MATCAP2: variants seen among roughly 807,000 people sequenced by gnomAD.
The protein encoded by MATCAP2 is putative tyrosine carboxypeptidase MATCAP2.
At chr7:36,373,124 G>T in the MATCAP2 span, among the ~76,000 whole-genome samples, 12 of 137,084 alleles carry the variant, frequency 8.8e-5, no homozygotes, top group Non-Finnish European at 1.7e-4. Flanking sequence ...AAAAAAAAAA[G>T]AGGGCAATAA....
chr7:36,348,062 CTA>C, the MATCAP2 span, among the ~76,000 whole-genome samples: 1 of 152,166 alleles, frequency 6.6e-6, no homozygotes, highest in South Asian at 2.1e-4. Context: ...ATATAATATT[CTA>C]TGTCTTCCAA....
chr7:36,367,829 C>G, the MATCAP2 span, among the ~76,000 whole-genome samples: 1 of 152,240 alleles, frequency 6.6e-6, no homozygotes, highest in Admixed American at 6.5e-5. Flanking sequence ...TTTGGGAGAC[C>G]AAGGCGGGTG....
chr7:36,352,295 G>A, the MATCAP2 span, among the ~76,000 whole-genome samples: 1 of 150,880 alleles, frequency 6.6e-6, no homozygotes, highest in Non-Finnish European at 1.5e-5. Flanking sequence ...TACTTGGGAG[G>A]ACGAGGCAGG....
the MATCAP2 span, among the ~76,000 whole-genome samples, chr7:36,372,387 T>A: frequency 1.3e-5 from 2 of 152,110 alleles, no homozygotes; most frequent in Non-Finnish European, 1.5e-5. Flanking sequence ...TTAAAAAAAA[T>A]TTCAGCGAAG....
At chr7:36,353,113 A>G in the MATCAP2 span, among the ~76,000 whole-genome samples, 6 of 152,214 alleles carry the variant, frequency 3.9e-5, no homozygotes, top group African/African-American at 1.4e-4. Flanking sequence ...CTATCCAAAA[A>G]GTTTTAAAAA....
the MATCAP2 span, chr7:36,390,147 C>T: frequency 2.3e-5 from 37 of 1,587,690 alleles, no homozygotes; most frequent in Admixed American, 4.1e-4. Context: ...GCGGAGGGCG[C>T]GTGTGTGCGC....
the MATCAP2 span, among the ~76,000 whole-genome samples, chr7:36,371,146 C>A: frequency 2.6e-5 from 4 of 152,116 alleles, no homozygotes; most frequent in Admixed American, 2.0e-4. Context: ...CACTCTGTTG[C>A]CCAGGTTGGA....
chr7:36,335,542 T>G, the MATCAP2 span, among the ~76,000 whole-genome samples: 30 of 152,256 alleles, frequency 2.0e-4, no homozygotes, highest in Non-Finnish European at 4.1e-4. Flanking sequence ...GCTTTGAGAC[T>G]GACCACTAAG....
chr7:36,348,659 G>C, the MATCAP2 span, among the ~76,000 whole-genome samples: 1 of 152,232 alleles, frequency 6.6e-6, no homozygotes, highest in South Asian at 2.1e-4. Context: ...CTAAGTCCCT[G>C]TTCTACCATT....
chr7:36,341,297 AATATAAT>A, the MATCAP2 span, among the ~76,000 whole-genome samples: 3,854 of 152,188 alleles, frequency 0.025, 249 homozygotes, highest in East Asian at 0.23. Context: ...TACATCTCCC[AATATAAT>A]ATATAACTCC....
chr7:36,349,865 G>A, the MATCAP2 span, among the ~76,000 whole-genome samples: 1 of 152,038 alleles, frequency 6.6e-6, no homozygotes, highest in Non-Finnish European at 1.5e-5. Context: ...ATCTGATGGG[G>A]GAGTTTCCAT....
At chr7:36,379,961 C>G in the MATCAP2 span, among the ~76,000 whole-genome samples, 1 of 152,020 alleles carries the variant, frequency 6.6e-6, no homozygotes, top group Admixed American at 6.6e-5. Context: ...CACTTTTGCT[C>G]TCTCTCTCTA....
the MATCAP2 span, among the ~76,000 whole-genome samples, chr7:36,379,847 C>CACACAGAGAGAGAGAGAG: frequency 9.7e-4 from 104 of 107,680 alleles, no homozygotes; most frequent in South Asian, 8.2e-3. Flanking sequence ...CACACACACA[C>CACACAGAGAGAGAGAGAG]AGAGAGAGAG....
At chr7:36,367,221 T>C in the MATCAP2 span, 1 of 1,147,860 alleles carries the variant, frequency 8.7e-7, no homozygotes, top group Non-Finnish European at 1.1e-6. Context: ...ACGTAGCCGC[T>C]CCGCCGGTTG....
chr7:36,345,385 T>C, the MATCAP2 span, among the ~76,000 whole-genome samples: 1 of 152,208 alleles, frequency 6.6e-6, no homozygotes, highest in African/African-American at 2.4e-5. Flanking sequence ...AAATAAACCT[T>C]TGCATATCTT....
chr7:36,329,564 G>C, the MATCAP2 span, among the ~76,000 whole-genome samples: 1 of 152,164 alleles, frequency 6.6e-6, no homozygotes, highest in Non-Finnish European at 1.5e-5. Flanking sequence ...CAGAAAACAT[G>C]GAGACATGTT....
At chr7:36,360,079 AAATC>A in the MATCAP2 span, among the ~76,000 whole-genome samples, 51 of 152,320 alleles carry the variant, frequency 3.3e-4, no homozygotes, top group African/African-American at 1.2e-3. Context: ...CACCAAATTA[AAATC>A]AATAAATAAG....
chr7:36,366,956 C>G, the MATCAP2 span: 4 of 1,351,044 alleles, frequency 3.0e-6, no homozygotes, highest in Non-Finnish European at 3.8e-6. Context: ...CCCCGAGGCC[C>G]GGGGCGGCGG....
At chr7:36,381,539 TG>T in the MATCAP2 span, among the ~76,000 whole-genome samples, 1 of 151,602 alleles carries the variant, frequency 6.6e-6, no homozygotes, top group Admixed American at 6.6e-5. Context: ...GGTATGGTGG[TG>T]GGCACCTGTA....
Sources: allele counts gnomAD v4.1 joint callset (sites outside exome capture counted in the v4.1 genomes callset), GRCh38; gene constraint gnomAD v4.1.1; transcripts MANE v1.5; gene names NCBI Gene and HGNC (gene_info 2026-07-23, HGNC 2026-07-21).